The following ADAM18 variants were observed in gnomAD, a reference collection of about 807,000 sequenced individuals.
The protein encoded by ADAM18 is disintegrin and metalloproteinase domain-containing protein 18.
In ADAM18, 117 loss-of-function variants were observed where a neutral mutation model predicts 94.4. That is an observed-to-expected ratio of 1.24 (90% CI 1.07 to 1.45). The LOEUF is 1.45. Among genes scored for constraint, ADAM18 ranks in the 40% most tolerant of loss-of-function variants. ADAM18 has a pLI of 0.00. For synonymous variants in ADAM18, 327 were observed against 291.6 expected (o/e 1.12, Z -1.24); for missense variants, 936 against 880.0 (o/e 1.06, Z -0.81).
intron 4 of ADAM18, 107 bp from the exon 5 acceptor site, chr8:39,609,378 G>T: frequency 1.3e-6 from 1 of 743,652 alleles, no homozygotes; most frequent in East Asian, 2.8e-5. Context: ...AATAATTAAT[G>T]ATCTTATTAT....
At chr8:39,621,584 T>C (rs549986458) in intron 6 of ADAM18, among the ~76,000 whole-genome samples, 25 of 152,226 alleles carry the variant, frequency 1.6e-4, no homozygotes, top group African/African-American at 5.1e-4. Context: ...ATTATTTTAA[T>C]TTATTTAAAT....
intron 12 of ADAM18, among the ~76,000 whole-genome samples, chr8:39,651,468 C>T (rs1202067758): frequency 5.3e-5 from 8 of 152,292 alleles, no homozygotes; most frequent in East Asian, 3.9e-4. Flanking sequence ...TGCGGCCTTC[C>T]GCAGTGTATT....
chr8:39,690,397 G>C (rs987511247), intron 16 of ADAM18, among the ~76,000 whole-genome samples: 2 of 152,116 alleles, frequency 1.3e-5, no homozygotes, highest in Non-Finnish European at 1.5e-5. Context: ...TGGGCAGGGG[G>C]CACTTCAGCA....
At position 39,609,480 on chromosome 8, in the gene ADAM18, T is replaced by G; in HGVS notation, c.268-5T>G. 1 of 1,608,186 alleles carries G rather than the reference T, an allele frequency of 6.2e-7. No homozygotes were observed. Among genetic ancestry groups the G allele is most frequent in the Non-Finnish European group, 8.5e-7 (1 of 1,175,742 alleles). On this transcript the variant is annotated splice_polypyrimidine_tract_variant and splice_region_variant and intron_variant, in intron 4 of 19. Coordinates refer to ENST00000265707, the MANE Select transcript of ADAM18 (RefSeq NM_014237.3). The stretch of plus-strand genomic sequence containing the variant: ...ATATACTTGCCTTTCTATACTGTTT[T>G]TCAGATGCATTGCCATTACCAAGGA...
intron 16 of ADAM18, among the ~76,000 whole-genome samples, chr8:39,690,342 G>T (rs1821738184): frequency 6.6e-6 from 1 of 152,060 alleles, no homozygotes; most frequent in East Asian, 1.9e-4. Flanking sequence ...GTGCACTCTA[G>T]TAGGGGTCAC....
intron 14 of ADAM18, among the ~76,000 whole-genome samples, chr8:39,669,885 A>G (rs7460700): frequency 0.012 from 1,810 of 152,110 alleles, 16 homozygotes; most frequent in East Asian, 0.037. Context: ...CTGAGGAATC[A>G]CCACACTGAC....
intron 14 of ADAM18, among the ~76,000 whole-genome samples, chr8:39,670,055 C>T (rs950241679): frequency 3.3e-5 from 5 of 152,188 alleles, no homozygotes; most frequent in African/African-American, 2.4e-5. Context: ...TTGCATTTCT[C>T]TGATGGCCAG....
At chr8:39,670,831 A>C (rs961985319) in intron 14 of ADAM18, among the ~76,000 whole-genome samples, 1 of 152,264 alleles carries the variant, frequency 6.6e-6, no homozygotes, top group Non-Finnish European at 1.5e-5. Flanking sequence ...CCTCAACTGC[A>C]AAGAGAGCTT....
chr8:39,728,334 T>C (rs1822979560), intron 19 of ADAM18, among the ~76,000 whole-genome samples: 1 of 152,160 alleles, frequency 6.6e-6, no homozygotes, highest in Non-Finnish European at 1.5e-5. Context: ...ATAATGAACA[T>C]GTATTTCCTG....
chr8:39,654,442 G>T (rs550276165), intron 12 of ADAM18, among the ~76,000 whole-genome samples: 1 of 146,718 alleles, frequency 6.8e-6, no homozygotes, highest in Non-Finnish European at 1.5e-5. Flanking sequence ...CCATTCATTT[G>T]TTGATGGGCT....
At chr8:39,633,628 T>G (rs888731218) in intron 7 of ADAM18, among the ~76,000 whole-genome samples, 1 of 152,018 alleles carries the variant, frequency 6.6e-6, no homozygotes, top group Non-Finnish European at 1.5e-5. Flanking sequence ...CCATAGAACT[T>G]TATGGAAGTC....
At chr8:39,623,829 C>G (rs1819688342) in intron 6 of ADAM18, among the ~76,000 whole-genome samples, 1 of 151,262 alleles carries the variant, frequency 6.6e-6, no homozygotes, top group Admixed American at 6.6e-5. Flanking sequence ...ATCTCCTGAC[C>G]TCGTGATCCA....
intron 10 of ADAM18, 35 bp from the exon 11 acceptor site, chr8:39,645,303 C>A (rs779155217): frequency 5.8e-5 from 90 of 1,538,998 alleles, no homozygotes; most frequent in Non-Finnish European, 7.6e-5. Flanking sequence ...TATTTTCACA[C>A]ATAATAATTT....
intron 18 of ADAM18, among the ~76,000 whole-genome samples, chr8:39,723,121 T>A (rs1444280478): frequency 6.6e-6 from 1 of 151,408 alleles, no homozygotes; most frequent in Admixed American, 6.6e-5. Flanking sequence ...CTAATATATT[T>A]ACATATTGTA....
chr8:39,609,508 T>C lies in ADAM18; in HGVS notation c.291T>C (p.Tyr97=), dbSNP rs753715813. Residue 97 remains tyrosine (Y), a synonymous_variant, in exon 5 of 20, where the codon TAT becomes TAC. Transcript: ENST00000265707. ...YFMMHCHYQG[Y]AAEFPNSFVT... Reference sequence around the variant, plus strand: ...AGATGCATTGCCATTACCAAGGATATGCTGCCGAATTTCCAAATTCATTTG... The same window carrying C: ...AGATGCATTGCCATTACCAAGGATACGCTGCCGAATTTCCAAATTCATTTG... 3 of 1,611,756 alleles carry C rather than the reference T, an allele frequency of 1.9e-6. No individual in the cohort carries two copies. Among genetic ancestry groups the C allele is most frequent in the South Asian group, 2.2e-5 (2 of 90,788 alleles).
chr8:39,613,105 C>T (rs1464703649), intron 6 of ADAM18, among the ~76,000 whole-genome samples: 1 of 152,158 alleles, frequency 6.6e-6, no homozygotes, highest in African/African-American at 2.4e-5. Flanking sequence ...ATGCCGCTAC[C>T]ACCACAGGTA....
intron 12 of ADAM18, among the ~76,000 whole-genome samples, chr8:39,655,238 A>T (rs28730314): frequency 0.73 from 111,400 of 152,070 alleles, 41,619 homozygotes; most frequent in Middle Eastern, 0.8. Flanking sequence ...TTTCATTCTC[A>T]TGCATATAGA....
intron 16 of ADAM18, among the ~76,000 whole-genome samples, chr8:39,684,207 A>T (rs1821546184): frequency 6.6e-6 from 1 of 152,132 alleles, no homozygotes; most frequent in Non-Finnish European, 1.5e-5. Flanking sequence ...AGATAATTAT[A>T]CATCTGTGAA....
intron 6 of ADAM18, among the ~76,000 whole-genome samples, chr8:39,629,126 T>G (rs1224201434): frequency 6.6e-6 from 1 of 151,922 alleles, no homozygotes; most frequent in African/African-American, 2.4e-5. Context: ...TTTTTATGTT[T>G]ATGTTTTTTT....
Sources: allele counts gnomAD v4.1 joint callset (sites outside exome capture counted in the v4.1 genomes callset), GRCh38; gene constraint gnomAD v4.1.1; transcripts MANE v1.5; gene names NCBI Gene and HGNC (gene_info 2026-07-23, HGNC 2026-07-21).